ZSWIM5: variants seen among roughly 807,000 people sequenced by gnomAD.
ZSWIM5 encodes zinc finger SWIM-type containing 5, also known as zinc finger SWIM domain-containing protein 5.
Under a neutral mutation model 119.6 loss-of-function variants are expected in ZSWIM5, and 55 were observed. The observed-to-expected ratio is 0.46, with a 90% CI of 0.37 to 0.58. The LOEUF is 0.58. Among genes scored for constraint, ZSWIM5 ranks in the 20% least tolerant of loss-of-function variants. ZSWIM5 has a pLI of 0.00. For missense variants in ZSWIM5, 1,193 were observed against 1,512.8 expected, an observed-to-expected ratio of 0.79 and a Z score of 3.51; for synonymous variants, 537 against 606.9, an observed-to-expected ratio of 0.88 and a Z score of 1.69.
At chr1:45,160,374 G>A (rs1215330570) in intron 1 of ZSWIM5, among the ~76,000 whole-genome samples, 1 of 152,088 alleles carries the variant, frequency 6.6e-6, no homozygotes, top group Non-Finnish European at 1.5e-5. Context: ...ACCCCACTCT[G>A]CTATGGAATA....
chr1:45,134,206 T>G (rs1645676185), intron 1 of ZSWIM5, among the ~76,000 whole-genome samples: 1 of 152,168 alleles, frequency 6.6e-6, no homozygotes, highest in South Asian at 2.1e-4. Context: ...TTGGGCAGTA[T>G]GGCCATTTTC....
intron 1 of ZSWIM5, among the ~76,000 whole-genome samples, chr1:45,181,429 C>T (rs1646018089): frequency 6.6e-6 from 1 of 151,944 alleles, no homozygotes; most frequent in Non-Finnish European, 1.5e-5. Flanking sequence ...AAATATGGGA[C>T]TATGTGAAAA....
chr1:45,203,400 ACT>A (rs1029300188), intron 1 of ZSWIM5, among the ~76,000 whole-genome samples: 27 of 151,810 alleles, frequency 1.8e-4, no homozygotes, highest in African/African-American at 6.5e-4. Flanking sequence ...TTCCCTTATG[ACT>A]CTTTTTCTTA....
In ZSWIM5 at chr1:45,034,373, C is replaced by G. The variant is rs763211083; in HGVS notation, c.2388G>C (p.Thr796=). Residue 796 remains threonine, a synonymous_variant, in exon 11 of 14, where the codon ACG becomes ACC. Transcript: ENST00000359600. The part of the protein sequence containing the change: ...VVPSRYPRWF[T]LGHLESQQCE... ...ACTGCTGTGATTCCAAGTGTCCAAG[C>G]GTGAACCAGCGAGGATAACGGCTGG... 1.1e-5 allele frequency: 17 copies of G among 1,613,958 alleles called. No homozygotes were observed. Among genetic ancestry groups the G allele is most frequent in the Non-Finnish European group, 1.4e-5 (17 of 1,179,908 alleles).
At chr1:45,030,856 G>A (rs2148989758) in intron 11 of ZSWIM5, among the ~76,000 whole-genome samples, 1 of 148,198 alleles carries the variant, frequency 6.7e-6, no homozygotes, top group South Asian at 2.1e-4. Context: ...GAGTGTAGTG[G>A]CACGATCTCA....
At chr1:45,146,263 A>G (rs938975543) in intron 1 of ZSWIM5, among the ~76,000 whole-genome samples, 4 of 152,042 alleles carry the variant, frequency 2.6e-5, no homozygotes, top group African/African-American at 7.2e-5. Flanking sequence ...TAGAGAATAA[A>G]AAGCTGATGA....
chr1:45,142,344 G>C (rs1307349824), intron 1 of ZSWIM5, among the ~76,000 whole-genome samples: 1 of 152,084 alleles, frequency 6.6e-6, no homozygotes, highest in East Asian at 1.9e-4. Context: ...TATCTGAATA[G>C]TCTTTTTGTT....
chr1:45,140,162 T>C (rs1645717739), intron 1 of ZSWIM5, among the ~76,000 whole-genome samples: 1 of 152,172 alleles, frequency 6.6e-6, no homozygotes, highest in African/African-American at 2.4e-5. Flanking sequence ...AAGTAGACGG[T>C]GCTAAAGGTA....
intron 2 of ZSWIM5, among the ~76,000 whole-genome samples, chr1:45,064,856 T>C (rs185464217): frequency 6.6e-6 from 1 of 152,356 alleles, no homozygotes; most frequent in East Asian, 1.9e-4. Flanking sequence ...TTCCAAAGCC[T>C]GTCTCTTTAC....
intron 4 of ZSWIM5, among the ~76,000 whole-genome samples, chr1:45,056,093 C>G (rs900242275): frequency 6.6e-6 from 1 of 152,186 alleles, no homozygotes. Context: ...ATTTCGACAA[C>G]AGCTACTTCA....
At chr1:45,151,698 G>C (rs1336291067) in intron 1 of ZSWIM5, among the ~76,000 whole-genome samples, 1 of 151,644 alleles carries the variant, frequency 6.6e-6, no homozygotes, top group Non-Finnish European at 1.5e-5. Flanking sequence ...AGCAAAGAAG[G>C]GTAAAAAAGA....
intron 1 of ZSWIM5, among the ~76,000 whole-genome samples, chr1:45,105,133 G>T (rs894312974): frequency 6.6e-6 from 1 of 152,106 alleles, no homozygotes; most frequent in African/African-American, 2.4e-5. Flanking sequence ...TGTATTTTTG[G>T]TGGAGACGGG....
intron 5 of ZSWIM5, among the ~76,000 whole-genome samples, chr1:45,045,412 T>G (rs1178074489): frequency 6.6e-6 from 1 of 152,216 alleles, no homozygotes; most frequent in Non-Finnish European, 1.5e-5. Context: ...GAATTCATAC[T>G]GAATATGAAA....
rs966267328 is a variant in ZSWIM5, at chr1:45,075,098, G to T, written c.952+12783C>A. ...GAAGATGCTTATTTCAATTTTTTTT[G>T]ACTGTTTTAAGACTTGTTTTGTAAC... On this transcript the variant is annotated intron_variant, in intron 2 of 13. Transcript: ENST00000359600. 7.9e-5 allele frequency among the ~76,000 whole-genome samples: 12 copies of T among 151,668 alleles called. No homozygotes were observed. In the East Asian group the frequency reaches 1.4e-3, roughly 17 times the overall value.
At chr1:45,179,484 T>C (rs909137774) in intron 1 of ZSWIM5, among the ~76,000 whole-genome samples, 5 of 152,102 alleles carry the variant, frequency 3.3e-5, no homozygotes, top group African/African-American at 1.2e-4. Flanking sequence ...AAAATACCTA[T>C]TGGGTACTAT....
At chr1:45,111,085 T>A (rs1645514414) in intron 1 of ZSWIM5, among the ~76,000 whole-genome samples, 1 of 152,150 alleles carries the variant, frequency 6.6e-6, no homozygotes, top group Admixed American at 6.5e-5. Flanking sequence ...GTAAATGTTA[T>A]AGCAAAACTC....
At chr1:45,032,631 G>C (rs1408527235) in intron 11 of ZSWIM5, among the ~76,000 whole-genome samples, 2 of 151,704 alleles carry the variant, frequency 1.3e-5, no homozygotes, top group African/African-American at 4.8e-5. Context: ...GACTACAGGT[G>C]TGCACTACCA....
At chr1:45,033,312 T>C (rs959352875) in intron 11 of ZSWIM5, among the ~76,000 whole-genome samples, 13 of 152,320 alleles carry the variant, frequency 8.5e-5, no homozygotes, top group Admixed American at 3.3e-4. Flanking sequence ...TTTATATTAA[T>C]TTATATGTAA....
intron 1 of ZSWIM5, among the ~76,000 whole-genome samples, chr1:45,133,574 G>C (rs1042824452): frequency 1.7e-4 from 26 of 152,296 alleles, no homozygotes; most frequent in African/African-American, 6.3e-4. Context: ...TGTTCACTCT[G>C]ATGGTAGTTT....
Sources: gnomAD v4.1 joint callset for allele counts (sites outside exome capture counted in the v4.1 genomes callset) on GRCh38, gnomAD v4.1.1 for gene constraint, MANE v1.5 for transcripts, NCBI Gene and HGNC (gene_info 2026-07-23, HGNC 2026-07-21) for gene names.